The following EFHC2 variants were observed in gnomAD, a reference collection of about 807,000 sequenced individuals.
The protein encoded by EFHC2 is EF-hand domain containing 2, also known as EF-hand domain-containing family member C2.
In EFHC2, 18 loss-of-function variants were observed where a neutral mutation model predicts 52.7. That is an observed-to-expected ratio of 0.34 (90% CI 0.24 to 0.51). The LOEUF is 0.51. Among genes scored for constraint, EFHC2 ranks in the 20% least tolerant of loss-of-function variants. The pLI is 0.97. For synonymous variants in EFHC2, 203 were observed against 204.1 expected (o/e 0.99, Z 0.04); for missense variants, 513 against 562.5 (o/e 0.91, Z 0.89).
intron 14 of EFHC2, among the ~76,000 whole-genome samples, chrX:44,149,174 G>A (rs2036549611): frequency 8.9e-6 from 1 of 112,133 alleles, no homozygotes; most frequent in Admixed American, 9.5e-5. Context: ...CCACATGACT[G>A]GCTTTGACCT....
At chrX:44,261,686 A>G (rs935968017) in intron 3 of EFHC2, among the ~76,000 whole-genome samples, 2 of 103,383 alleles carry the variant, frequency 1.9e-5, no homozygotes, top group African/African-American at 7.2e-5. Flanking sequence ...CAAGCACTCA[A>G]TGTGAGCACA....
Position 44,312,597 on chromosome X carries a change from C to A in EFHC2, c.202G>T (p.Val68Leu). ...SIYPKGDGSD[V>L]PSWVAFDKQV... ...TTATCAAAGGCTACCCATGATGGTA[C>A]ATCACTTCCATCTCCTTTAGGATAT... Residue 68 changes from valine to leucine, a missense_variant, in exon 2 of 15, where the codon GTA becomes TTA. Transcript: ENST00000420999. The A allele has an allele frequency of 3.3e-6, 4 of 1,205,253 alleles. No homozygotes were observed. Among genetic ancestry groups the A allele is most frequent in the Non-Finnish European group, 4.5e-6 (4 of 892,846 alleles).
chrX:44,181,282 T>A (rs1040461653), intron 11 of EFHC2, among the ~76,000 whole-genome samples: 3 of 109,885 alleles, frequency 2.7e-5, no homozygotes, highest in Non-Finnish European at 5.7e-5. Flanking sequence ...AGATGTCTTT[T>A]AAAAAAAAGT....
intron 2 of EFHC2, among the ~76,000 whole-genome samples, chrX:44,279,847 G>T (rs776405316): frequency 9.0e-6 from 1 of 110,499 alleles, no homozygotes; most frequent in Non-Finnish European, 1.9e-5. Flanking sequence ...ATGATGGAAA[G>T]CTACAAAGGT....
At chrX:44,257,235 G>A (rs1372667388) in intron 4 of EFHC2, among the ~76,000 whole-genome samples, 2 of 111,593 alleles carry the variant, frequency 1.8e-5, no homozygotes, top group Admixed American at 9.5e-5. Flanking sequence ...TTGAAAACTG[G>A]CACAAGACAA....
chrX:44,290,428 C>A (rs774400438), intron 2 of EFHC2, among the ~76,000 whole-genome samples: 16 of 111,504 alleles, frequency 1.4e-4, no homozygotes, highest in African/African-American at 4.9e-4. Context: ...AGAAAACATA[C>A]TTTTAAAATA....
At chrX:44,341,568 C>T (rs2038151920) in intron 1 of EFHC2, among the ~76,000 whole-genome samples, 1 of 112,120 alleles carries the variant, frequency 8.9e-6, no homozygotes, top group Non-Finnish European at 1.9e-5. Flanking sequence ...CCCACCTCAG[C>T]CTCCTGAGTA....
chrX:44,309,336 A>G (rs1404922238), intron 2 of EFHC2: 4 of 763,889 alleles, frequency 5.2e-6, no homozygotes, highest in Non-Finnish European at 8.1e-6. Context: ...ATTTAAGGTA[A>G]AAGAATTCTC....
chrX:44,215,822 G>A (rs1274470517), intron 11 of EFHC2, among the ~76,000 whole-genome samples: 1 of 111,712 alleles, frequency 9.0e-6, no homozygotes, highest in African/African-American at 3.3e-5. Flanking sequence ...TACTGTTCTT[G>A]CAGATGGAAG....
intron 11 of EFHC2, among the ~76,000 whole-genome samples, chrX:44,223,378 G>T (rs2037208536): frequency 8.9e-6 from 1 of 112,271 alleles, no homozygotes; most frequent in Non-Finnish European, 1.9e-5. Flanking sequence ...GGTAACAGAG[G>T]TCATTTTCTC....
In EFHC2 at chrX:44,232,536, C is replaced by A. The variant is rs772087258; in HGVS notation, c.1565G>T (p.Arg522Leu). 1.7e-6 allele frequency: 2 copies of A among 1,181,309 alleles called. No individual in the cohort carries two copies. Among genetic ancestry groups the A allele is most frequent in the Non-Finnish European group, 1.1e-6 (1 of 880,129 alleles). ...VTVNVNGYLF[R>L]LLNADEYTLN... ...GGTATACTCATCAGCATTGAGCAAA[C>A]GAAATAGGTAACCATTCACATTCAC... Residue 522 changes from arginine (R) to leucine (L), a missense_variant, in exon 10 of 15, where the codon CGT becomes CTT. Transcript: ENST00000420999.
chrX:44,279,888 A>G (rs1300668889), intron 2 of EFHC2, among the ~76,000 whole-genome samples: 1 of 110,567 alleles, frequency 9.0e-6, no homozygotes, highest in Non-Finnish European at 1.9e-5. Context: ...CGTACCATGA[A>G]AAAAAAGTAA....
intron 3 of EFHC2, among the ~76,000 whole-genome samples, chrX:44,271,667 G>A (rs934335651): frequency 3.6e-5 from 4 of 110,354 alleles, no homozygotes; most frequent in Non-Finnish European, 7.6e-5. Flanking sequence ...CTACACGAGG[G>A]AACAAACAAA....
At position 44,303,822 on chromosome X, in the gene EFHC2, G is replaced by T. The variant is rs771376433; in HGVS notation, c.231+8746C>A. The stretch of plus-strand genomic sequence containing the variant: ...ATTCAATTGTGCGGTCAGTAGTTTT[G>T]ATTATAACCATTATGTTTACAATAG... On this transcript the variant is annotated intron_variant, in intron 2 of 14. Transcript: ENST00000420999. Among the ~76,000 whole-genome samples, 247 of 111,086 alleles carry T rather than the reference G, an allele frequency of 2.2e-3. 2 individuals carry two copies. The highest frequency in any genetic ancestry group is 7.6e-3 in the African/African-American group (233 of 30,584).
At chrX:44,245,744 C>T (rs1043191916) in intron 7 of EFHC2, among the ~76,000 whole-genome samples, 4 of 112,305 alleles carry the variant, frequency 3.6e-5, no homozygotes, top group African/African-American at 1.3e-4. Flanking sequence ...TTAGCAAGCC[C>T]TCCACTTCTA....
rs1157002361 is a variant in EFHC2, at chrX:44,261,791, G to A, written c.383-493C>T. On this transcript the variant is annotated intron_variant, in intron 3 of 14. Transcript: ENST00000420999. Reference sequence around the variant, plus strand: ...AAAAAAAAAAAAGCTAGTAAGCTTTGGAATGATAGGTGCCAACATTGACTT... The same window carrying A: ...AAAAAAAAAAAAGCTAGTAAGCTTTAGAATGATAGGTGCCAACATTGACTT... 4.8e-5 allele frequency among the ~76,000 whole-genome samples: 5 copies of A among 104,643 alleles called. No individual in the cohort carries two copies. The East Asian group carries it at 1.2e-3, about 25-fold the overall frequency. 90.9% of individuals were successfully genotyped at this position (104,643 alleles called of 115,157 possible). A position where few individuals can be genotyped will look rare whatever the true frequency, so the allele number is the denominator to read the frequency against.
At chrX:44,260,813 C>T (rs1334568602) in intron 4 of EFHC2, among the ~76,000 whole-genome samples, 1 of 112,238 alleles carries the variant, frequency 8.9e-6, no homozygotes, top group African/African-American at 3.2e-5. Flanking sequence ...GAATCTGTCT[C>T]ACCTGTGCAG....
chrX:44,251,177 T>TGCA (rs2037442043), intron 4 of EFHC2, among the ~76,000 whole-genome samples: 1 of 90,995 alleles, frequency 1.1e-5, no homozygotes, highest in African/African-American at 4.5e-5. Flanking sequence ...AGGTGGAGCT[T>TGCA]GCAGTGAGCA....
chrX:44,320,170 C>G (rs1285289619), intron 1 of EFHC2, among the ~76,000 whole-genome samples: 1 of 111,709 alleles, frequency 9.0e-6, no homozygotes, highest in East Asian at 2.8e-4. Flanking sequence ...CTTGAACTCC[C>G]AGCCTCAGGT....
Sources: allele counts gnomAD v4.1 joint callset (sites outside exome capture counted in the v4.1 genomes callset), GRCh38; gene constraint gnomAD v4.1.1; transcripts MANE v1.5; gene names NCBI Gene and HGNC (gene_info 2026-07-23, HGNC 2026-07-21).